CHN2: variants seen among roughly 807,000 people sequenced by gnomAD.
The protein encoded by CHN2 is chimerin 2.
A neutral mutation model predicts 56.3 loss-of-function variants in CHN2; 35 were observed. The observed-to-expected ratio is 0.62, with a 90% CI of 0.47 to 0.82. CHN2 has a LOEUF of 0.82. Ranked by LOEUF, CHN2 falls within the 40% of genes least tolerant of loss-of-function variation. The probability of loss-of-function intolerance (pLI) is 0.00; values close to 1 mark genes in which losing one functional copy is unlikely to be tolerated. For missense variants in CHN2, 491 were observed against 580.5 expected (o/e 0.85, Z 1.58); for synonymous variants, 210 against 212.8 (o/e 0.99, Z 0.12).
At chr7:29,310,750 G>A (rs994189762) in intron 1 of CHN2, among the ~76,000 whole-genome samples, 1 of 152,164 alleles carries the variant, frequency 6.6e-6, no homozygotes, top group South Asian at 2.1e-4. Flanking sequence ...TCCTCACATG[G>A]TGGGAGGAGG....
chr7:29,352,597 C>G (rs931698281), intron 1 of CHN2, among the ~76,000 whole-genome samples: 2 of 151,994 alleles, frequency 1.3e-5, no homozygotes, highest in African/African-American at 4.8e-5. Context: ...GTGGCACACG[C>G]CTGTAATCCT....
At position 29,367,589 on chromosome 7, in the gene CHN2, T is replaced by A. The variant is rs192734827; in HGVS notation, c.89-343T>A. Reference sequence around the variant, plus strand: ...CTATTATATGATCTTACTACTCAGGTACTCACAAGTAGAATTTCATCTTTA... The same window carrying A: ...CTATTATATGATCTTACTACTCAGGAACTCACAAGTAGAATTTCATCTTTA... On this transcript the variant is annotated intron_variant, in intron 2 of 12. Coordinates refer to ENST00000222792, the MANE Select transcript of CHN2 (RefSeq NM_004067.4). Among the ~76,000 whole-genome samples the A allele has an allele frequency of 3.3e-5, 5 of 152,294 alleles. No homozygotes were observed. The East Asian group carries it at 9.6e-4, about 29-fold the overall frequency.
intron 1 of CHN2, among the ~76,000 whole-genome samples, chr7:29,316,680 A>G (rs1443797445): frequency 1.3e-5 from 2 of 152,126 alleles, no homozygotes; most frequent in Non-Finnish European, 2.9e-5. Context: ...GCTGCCCCCA[A>G]TGTGACATCA....
At chr7:29,455,480 A>T (rs1784682907) in intron 6 of CHN2, among the ~76,000 whole-genome samples, 1 of 152,142 alleles carries the variant, frequency 6.6e-6, no homozygotes, top group South Asian at 2.1e-4. Context: ...CAGAACTGGA[A>T]CCAGAACCCC....
intron 1 of CHN2, among the ~76,000 whole-genome samples, chr7:29,235,383 C>T (rs245953): frequency 0.24 from 35,743 of 151,992 alleles, 4,695 homozygotes; most frequent in East Asian, 0.53. Flanking sequence ...GTCAAAAAAA[C>T]GAGATGCTTG....
At chr7:29,315,662 C>A (rs1237532671) in intron 1 of CHN2, among the ~76,000 whole-genome samples, 1 of 152,110 alleles carries the variant, frequency 6.6e-6, no homozygotes, top group Non-Finnish European at 1.5e-5. Flanking sequence ...TGAGGATTAT[C>A]ATAAACGATT....
At chr7:29,250,398 C>G (rs1423157830) in intron 1 of CHN2, among the ~76,000 whole-genome samples, 1 of 152,134 alleles carries the variant, frequency 6.6e-6, no homozygotes, top group African/African-American at 2.4e-5. Flanking sequence ...TTCCTTTTAT[C>G]CTGAAATGTT....
chr7:29,168,645 G>T (rs1796215743), intron 2 of CHN2, among the ~76,000 whole-genome samples: 1 of 152,200 alleles, frequency 6.6e-6, no homozygotes, highest in Non-Finnish European at 1.5e-5. Flanking sequence ...AACCTGTATA[G>T]GCTGAAAGCT....
chr7:29,506,061 T>C (rs1036565710), intron 10 of CHN2, among the ~76,000 whole-genome samples: 1 of 152,208 alleles, frequency 6.6e-6, no homozygotes, highest in Non-Finnish European at 1.5e-5. Context: ...GATTAAAACA[T>C]TTTTATCTAA....
chr7:29,188,524 T>C (rs245920), intron 2 of CHN2, among the ~76,000 whole-genome samples: 102,590 of 151,966 alleles, frequency 0.68, 35,651 homozygotes, highest in East Asian at 0.99. Context: ...TTTACTCTCC[T>C]TTTTTTATTT....
chr7:29,235,633 A>G (rs571283363), intron 1 of CHN2, among the ~76,000 whole-genome samples: 47 of 152,358 alleles, frequency 3.1e-4, no homozygotes, highest in African/African-American at 1.0e-3. Flanking sequence ...CATGGAATCA[A>G]TGTAGATGTC....
At chr7:29,276,763 C>T (rs550435207) in intron 1 of CHN2, among the ~76,000 whole-genome samples, 1 of 152,154 alleles carries the variant, frequency 6.6e-6, no homozygotes, top group Non-Finnish European at 1.5e-5. Flanking sequence ...TGTGGCTTGA[C>T]CCCCAGCTAT....
At chr7:29,497,600 C>G (rs1470021706) in intron 8 of CHN2, among the ~76,000 whole-genome samples, 1 of 151,872 alleles carries the variant, frequency 6.6e-6, no homozygotes, top group Non-Finnish European at 1.5e-5. Flanking sequence ...AAAAACTGAT[C>G]ATGAAAGGTT....
chr7:29,344,133 C>T (rs1797251150), intron 1 of CHN2, among the ~76,000 whole-genome samples: 1 of 152,168 alleles, frequency 6.6e-6, no homozygotes. Context: ...TCTCCGTGTC[C>T]TTCAAGTCCA....
chr7:29,316,644 A>G (rs1794971484), intron 1 of CHN2, among the ~76,000 whole-genome samples: 3 of 152,200 alleles, frequency 2.0e-5, no homozygotes. Context: ...GCCAGTTTTC[A>G]GGTAGAGTTG....
At chr7:29,149,812 CTT>C (rs1429621037) in intron 2 of CHN2, among the ~76,000 whole-genome samples, 2 of 152,162 alleles carry the variant, frequency 1.3e-5, no homozygotes, top group Non-Finnish European at 2.9e-5. Flanking sequence ...CTCTCTGTGT[CTT>C]TTCACAGTGT....
intron 1 of CHN2, among the ~76,000 whole-genome samples, chr7:29,287,925 C>T (rs540899839): frequency 1.3e-5 from 2 of 152,184 alleles, no homozygotes. Flanking sequence ...TGGTCTTCAG[C>T]ATGTCTTTAA....
intron 9 of CHN2, 135 bp from the exon 10 acceptor site, chr7:29,504,609 G>A (rs940050708): frequency 5.0e-6 from 3 of 603,872 alleles, no homozygotes; most frequent in Non-Finnish European, 8.7e-6. Flanking sequence ...TGATGCAACA[G>A]TGTGTGATAA....
intron 1 of CHN2, among the ~76,000 whole-genome samples, chr7:29,225,172 G>A (rs1189971347): frequency 6.6e-6 from 1 of 152,132 alleles, no homozygotes; most frequent in East Asian, 1.9e-4. Flanking sequence ...GAATATGAAT[G>A]TAATTTTTTC....
Sources: allele counts gnomAD v4.1 joint callset (sites outside exome capture counted in the v4.1 genomes callset), GRCh38; gene constraint gnomAD v4.1.1; transcripts MANE v1.5; gene names NCBI Gene and HGNC (gene_info 2026-07-23, HGNC 2026-07-21).